The following ATP5F1C variants were observed in gnomAD, a reference collection of about 807,000 sequenced individuals.
ATP5F1C encodes ATP synthase F1 subunit gamma.
In ATP5F1C, 22 loss-of-function variants were observed where a neutral mutation model predicts 37.4. The ratio of observed to expected loss-of-function variants is 0.59; its 90% CI spans 0.42 to 0.84. ATP5F1C has a LOEUF of 0.84. ATP5F1C is among the 40% of genes least tolerant of loss of function. The pLI, the probability that ATP5F1C is intolerant of heterozygous loss-of-function variation, is 0.00. For synonymous variants in ATP5F1C, 121 were observed against 128.0 expected (o/e 0.95, Z 0.37); for missense variants, 286 against 362.4 (o/e 0.79, Z 1.71).
chr10:7,789,924 C>G (rs184284994), intron 1 of ATP5F1C, among the ~76,000 whole-genome samples: 1 of 152,182 alleles, frequency 6.6e-6, no homozygotes, highest in East Asian at 1.9e-4. Context: ...GAGCTTAAAT[C>G]GGAACCACAA....
At chr10:7,804,612 C>G (rs1836438104) in intron 8 of ATP5F1C, among the ~76,000 whole-genome samples, 1 of 152,222 alleles carries the variant, frequency 6.6e-6, no homozygotes, top group African/African-American at 2.4e-5. Context: ...TCTGCAGCAT[C>G]CTGTCTTCCA....
chr10:7,799,592 T>C, intron 4 of ATP5F1C, 180 bp from the exon 5 acceptor site: 2 of 651,428 alleles, frequency 3.1e-6, no homozygotes, highest in South Asian at 4.4e-5. Context: ...AGTTCTTAGT[T>C]CTTTGCAGGT....
Position 7,790,596 on chromosome 10 carries a change from A to G in ATP5F1C, c.56+2333A>G, listed in dbSNP as rs17143000. 5.5e-3 allele frequency among the ~76,000 whole-genome samples: 845 copies of G among 152,344 alleles called. 8 individuals carry two copies. The highest frequency in any genetic ancestry group is 0.024 in the South Asian group (114 of 4,830). ...GATGGCATTTCAGGAGAGAAAAGAC[A>G]AATTGTCATCTGAGACCATGAGGGC... On this transcript the variant is annotated intron_variant, in intron 1 of 9. Transcript: ENST00000356708.
At chr10:7,791,170 C>T (rs1490954595) in intron 1 of ATP5F1C, among the ~76,000 whole-genome samples, 2 of 152,002 alleles carry the variant, frequency 1.3e-5, no homozygotes, top group South Asian at 2.1e-4. Flanking sequence ...CGTGGTGGTA[C>T]GCACCTGTAG....
rs1173009655 is a variant in ATP5F1C, at chr10:7,799,852, C to T, written c.509C>T (p.Ala170Val). ...PPTFGDASVI[A>V]LELLNSGYEF... ...ACTTTTGGAGATGCGTCAGTCATTG[C>T]CCTTGAATTACTAAATTCTGGATAT... The change falls in exon 5 of 10, where the codon GCC becomes GTC. Residue 170 changes from alanine to valine, a missense_variant. Transcript: ENST00000356708. The T allele has an allele frequency of 1.2e-6, 2 of 1,614,126 alleles. No individual in the cohort carries two copies. Among genetic ancestry groups the T allele is most frequent in the South Asian group, 2.2e-5 (2 of 91,088 alleles).
chr10:7,788,189 C>A lies in ATP5F1C; in HGVS notation c.-19C>A. ...CGCTGAGGCCTGCCTGACCGACCTTCAGCAGGGCTGTGGCTACCATGTTCT... is the reference window on the plus strand; with the variant it reads ...CGCTGAGGCCTGCCTGACCGACCTTAAGCAGGGCTGTGGCTACCATGTTCT... On this transcript the variant is annotated 5_prime_UTR_variant, in exon 1 of 10. Transcript: ENST00000356708. 1 of 1,612,814 alleles carries A rather than the reference C, an allele frequency of 6.2e-7. No homozygotes were observed. Among genetic ancestry groups the A allele is most frequent in the South Asian group, 1.1e-5 (1 of 90,960 alleles).
At chr10:7,801,887 C>T (rs1011170113) in intron 6 of ATP5F1C, among the ~76,000 whole-genome samples, 2 of 152,194 alleles carry the variant, frequency 1.3e-5, no homozygotes, top group East Asian at 1.9e-4. Flanking sequence ...ACACTAAATT[C>T]GTTTCAATTC....
At chr10:7,801,641 T>C (rs1452605176) in intron 6 of ATP5F1C, 1 of 152,248 alleles carries the variant, frequency 6.6e-6, no homozygotes, top group Non-Finnish European at 1.5e-5. Flanking sequence ...ATATTTATAA[T>C]GCAGTATCTT....
intron 1 of ATP5F1C, among the ~76,000 whole-genome samples, chr10:7,789,115 T>C (rs1195503143): frequency 2.6e-5 from 4 of 151,960 alleles, no homozygotes; most frequent in African/African-American, 9.7e-5. Context: ...GGCCCGGGAA[T>C]GGGCAGGTAA....
At chr10:7,790,828 G>A (rs1836151201) in intron 1 of ATP5F1C, among the ~76,000 whole-genome samples, 1 of 152,172 alleles carries the variant, frequency 6.6e-6, no homozygotes, top group African/African-American at 2.4e-5. Context: ...CAATAAAAGT[G>A]CACAATTCAG....
intron 1 of ATP5F1C, among the ~76,000 whole-genome samples, chr10:7,793,391 C>T (rs189465321): frequency 9.1e-4 from 138 of 152,310 alleles, no homozygotes; most frequent in Non-Finnish European, 1.7e-3. Context: ...GGATTATAGG[C>T]GTGAGCCACC....
At chr10:7,789,375 T>G (rs1327924440) in intron 1 of ATP5F1C, among the ~76,000 whole-genome samples, 1 of 152,204 alleles carries the variant, frequency 6.6e-6, no homozygotes, top group Non-Finnish European at 1.5e-5. Flanking sequence ...ATATACGAGA[T>G]TTTCAGAATG....
chr10:7,788,377 G>A (rs1836089754), intron 1 of ATP5F1C, 114 bp downstream of exon 1: 3 of 1,433,160 alleles, frequency 2.1e-6, no homozygotes, highest in Non-Finnish European at 2.9e-6. Context: ...GGGCCTAGCT[G>A]GGCCCCTGGC....
intron 1 of ATP5F1C, among the ~76,000 whole-genome samples, chr10:7,793,824 A>G (rs577373277): frequency 2.0e-5 from 3 of 152,362 alleles, no homozygotes; most frequent in Admixed American, 2.0e-4. Flanking sequence ...GTACAGATTA[A>G]TATTTTTGCA....
chr10:7,791,164 G>A (rs1479578898), intron 1 of ATP5F1C, among the ~76,000 whole-genome samples: 1 of 152,108 alleles, frequency 6.6e-6, no homozygotes, highest in African/African-American at 2.4e-5. Flanking sequence ...CCCAGACGTG[G>A]TGGTACGCAC....
At chr10:7,795,909 G>A (rs2131060952) in intron 1 of ATP5F1C, among the ~76,000 whole-genome samples, 1 of 152,296 alleles carries the variant, frequency 6.6e-6, no homozygotes, top group East Asian at 1.9e-4. Context: ...GTACAGACAG[G>A]CCAAATAAAA....
intron 4 of ATP5F1C, chr10:7,799,503 T>C: frequency 1.8e-6 from 1 of 560,216 alleles, no homozygotes; most frequent in Non-Finnish European, 3.1e-6. Flanking sequence ...TGTTACAGCC[T>C]GGAAATGTTA....
chr10:7,792,152 A>AT (rs1266105947), intron 1 of ATP5F1C, among the ~76,000 whole-genome samples: 16 of 152,370 alleles, frequency 1.1e-4, no homozygotes, highest in Admixed American at 9.1e-4. Context: ...TGTGATTATG[A>AT]AAAGCTGTTG....
At chr10:7,807,141 C>T (rs1047669097) in intron 9 of ATP5F1C, 131 bp downstream of exon 9, 19 of 797,796 alleles carry the variant, frequency 2.4e-5, no homozygotes, top group Middle Eastern at 3.2e-4. Context: ...CAGTAGCAGC[C>T]AACTCACGGG....
Sources: gnomAD v4.1 joint callset for allele counts (sites outside exome capture counted in the v4.1 genomes callset) on GRCh38, gnomAD v4.1.1 for gene constraint, MANE v1.5 for transcripts, NCBI Gene and HGNC (gene_info 2026-07-23, HGNC 2026-07-21) for gene names.